ADGRB3: variants seen among roughly 807,000 people sequenced by gnomAD.
ADGRB3 encodes the protein adhesion G protein-coupled receptor B3, also known as brain-specific angiogenesis inhibitor 3.
In ADGRB3, 37 loss-of-function variants were observed where a neutral mutation model predicts 193.4. The ratio of observed to expected loss-of-function variants is 0.19; its 90% CI spans 0.15 to 0.25. ADGRB3 has a LOEUF of 0.25. Ranked by LOEUF, ADGRB3 falls within the 10% of genes least tolerant of loss-of-function variation. The probability of loss-of-function intolerance (pLI) is 1.00; values close to 1 mark genes in which losing one functional copy is unlikely to be tolerated. For missense variants in ADGRB3, 1,637 were observed against 1,852.9 expected, an observed-to-expected ratio of 0.88 and a Z score of 2.14; for synonymous variants, 690 against 644.2, an observed-to-expected ratio of 1.07 and a Z score of -1.08.
At chr6:68,917,969 A>G (rs548448565) in intron 3 of ADGRB3, among the ~76,000 whole-genome samples, 2 of 152,338 alleles carry the variant, frequency 1.3e-5, no homozygotes, top group Non-Finnish European at 2.9e-5. Flanking sequence ...TTTTAAGTCA[A>G]TTGTATCCCC....
intron 3 of ADGRB3, among the ~76,000 whole-genome samples, chr6:68,915,905 C>G (rs1766865612): frequency 6.6e-6 from 1 of 152,040 alleles, no homozygotes; most frequent in African/African-American, 2.4e-5. Flanking sequence ...AGGACTTTTA[C>G]AGTCAGGCAT....
rs538966679 is a variant in ADGRB3 at position 68,832,943 on chromosome 6, T to TC, written c.758-97613dup. Among the ~76,000 whole-genome samples the TC allele has an allele frequency of 1.4e-3, 207 of 152,280 alleles. 1 individual carries two copies. Among genetic ancestry groups the TC allele is most frequent in the African/African-American group, 4.9e-3 (204 of 41,556 alleles). The stretch of plus-strand genomic sequence containing the variant: ...AATCTGAAATTTCTGTTGATGATCC[T>TC]CCCATTTTGACATGTTAGCATCTGC... On this transcript the variant is annotated intron_variant, in intron 3 of 31. Coordinates refer to ENST00000370598, the MANE Select transcript of ADGRB3 (RefSeq NM_001704.3).
At chr6:69,156,519 A>C (rs1774844007) in intron 17 of ADGRB3, among the ~76,000 whole-genome samples, 1 of 152,192 alleles carries the variant, frequency 6.6e-6, no homozygotes, top group African/African-American at 2.4e-5. Context: ...TTTGATAAGA[A>C]AAGAGAGTTC....
chr6:68,714,623 AG>A (rs1405584390), intron 3 of ADGRB3, among the ~76,000 whole-genome samples: 1 of 151,876 alleles, frequency 6.6e-6, no homozygotes, highest in East Asian at 1.9e-4. Flanking sequence ...AAAATACTGA[AG>A]GGTTTGTAAA....
At chr6:69,379,628 C>A (rs1769902644) in intron 30 of ADGRB3, among the ~76,000 whole-genome samples, 1 of 151,926 alleles carries the variant, frequency 6.6e-6, no homozygotes, top group African/African-American at 2.4e-5. Flanking sequence ...ATTTTAAAGG[C>A]TGGACGATCT....
intron 6 of ADGRB3, among the ~76,000 whole-genome samples, chr6:68,951,593 G>C (rs9454657): frequency 0.015 from 2,284 of 152,226 alleles, 58 homozygotes; most frequent in African/African-American, 0.052. Context: ...CTTTACTCCT[G>C]TGTGTGTTAC....
chr6:68,760,064 AT>A (rs900310073), intron 3 of ADGRB3, among the ~76,000 whole-genome samples: 4 of 152,136 alleles, frequency 2.6e-5, no homozygotes, highest in African/African-American at 9.6e-5. Context: ...AGTTTGACCT[AT>A]TTCTTTTATA....
intron 3 of ADGRB3, among the ~76,000 whole-genome samples, chr6:68,758,462 G>T (rs1481097865): frequency 6.6e-6 from 1 of 152,042 alleles, no homozygotes; most frequent in African/African-American, 2.4e-5. Context: ...TATCGACAAA[G>T]TTTCATTGTG....
At chr6:68,938,415 A>G (rs1767539201) in intron 5 of ADGRB3, among the ~76,000 whole-genome samples, 1 of 143,988 alleles carries the variant, frequency 6.9e-6, no homozygotes, top group Non-Finnish European at 1.5e-5. Flanking sequence ...GTATGTTTTT[A>G]TCTTGTATAA....
At chr6:69,270,123 G>A (rs1004702018) in intron 20 of ADGRB3, among the ~76,000 whole-genome samples, 2 of 152,070 alleles carry the variant, frequency 1.3e-5, no homozygotes, top group South Asian at 4.1e-4. Context: ...TCTCCACTAT[G>A]GCTGACATTT....
intron 6 of ADGRB3, among the ~76,000 whole-genome samples, chr6:68,953,946 C>T (rs1181705464): frequency 6.6e-6 from 1 of 152,176 alleles, no homozygotes; most frequent in African/African-American, 2.4e-5. Flanking sequence ...ATGAACTGAT[C>T]TTGGAAAAAA....
At chr6:69,256,983 C>T (rs1316570564) in intron 20 of ADGRB3, among the ~76,000 whole-genome samples, 2 of 151,998 alleles carry the variant, frequency 1.3e-5, no homozygotes, top group Non-Finnish European at 2.9e-5. Flanking sequence ...GTCTTTGGTT[C>T]TGTTTATATG....
chr6:69,184,635 T>C (rs1403253418), intron 17 of ADGRB3, among the ~76,000 whole-genome samples: 1 of 152,116 alleles, frequency 6.6e-6, no homozygotes, highest in Non-Finnish European at 1.5e-5. Context: ...ATTGGACTTT[T>C]TAGAGATATT....
At chr6:68,891,025 T>A (rs1437984208) in intron 3 of ADGRB3, among the ~76,000 whole-genome samples, 1 of 152,148 alleles carries the variant, frequency 6.6e-6, no homozygotes, top group East Asian at 1.9e-4. Context: ...GAAAAAGAAG[T>A]TTAGTGGACT....
Position 69,202,742 on chromosome 6 carries a change from A to G in ADGRB3, c.2481-30548A>G, listed in dbSNP as rs1306015462. Among the ~76,000 whole-genome samples, 5 of 152,166 alleles carry G rather than the reference A, an allele frequency of 3.3e-5. No individual in the cohort carries two copies. In the East Asian group the frequency reaches 5.8e-4, roughly 18 times the overall value. On this transcript the variant is annotated intron_variant, in intron 17 of 31. Coordinates refer to ENST00000370598, the MANE Select transcript of ADGRB3 (RefSeq NM_001704.3). ...ACTACTGAATAAAGAAAAGCTGGGT[A>G]TAAGAACAGAGGGCATTTGAGAAAT...
intron 17 of ADGRB3, among the ~76,000 whole-genome samples, chr6:69,214,678 G>T (rs1419522859): frequency 2.6e-5 from 4 of 151,600 alleles, no homozygotes. Context: ...GGAATAAGAA[G>T]TTTTCTAGCC....
At chr6:69,067,389 A>G (rs1470887031) in intron 16 of ADGRB3, among the ~76,000 whole-genome samples, 1 of 152,180 alleles carries the variant, frequency 6.6e-6, no homozygotes, top group Non-Finnish European at 1.5e-5. Flanking sequence ...AAAATTAACC[A>G]TGACCCTATG....
At chr6:69,202,381 A>T (rs1447134136) in intron 17 of ADGRB3, among the ~76,000 whole-genome samples, 1 of 152,128 alleles carries the variant, frequency 6.6e-6, no homozygotes, top group African/African-American at 2.4e-5. Flanking sequence ...TATTTAGGGC[A>T]TTAACACTTA....
chr6:68,899,155 T>C (rs1043761362), intron 3 of ADGRB3, among the ~76,000 whole-genome samples: 3 of 152,150 alleles, frequency 2.0e-5, no homozygotes, highest in African/African-American at 7.2e-5. Flanking sequence ...TTTTCTCAAC[T>C]TTTATGTGAA....
Sources: allele counts gnomAD v4.1 joint callset (sites outside exome capture counted in the v4.1 genomes callset), GRCh38; gene constraint gnomAD v4.1.1; transcripts MANE v1.5; gene names NCBI Gene and HGNC (gene_info 2026-07-23, HGNC 2026-07-21).